RBKS: variants seen among roughly 807,000 people sequenced by gnomAD.
RBKS encodes ribokinase.
A neutral mutation model predicts 33.9 loss-of-function variants in RBKS; 33 were observed. That is an observed-to-expected ratio of 0.97 (90% CI 0.74 to 1.30). RBKS has a LOEUF of 1.30. RBKS is among the 50% of genes most tolerant of loss of function. The pLI, the probability that RBKS is intolerant of heterozygous loss-of-function variation, is 0.00. For missense variants in RBKS, 361 were observed against 392.6 expected, an observed-to-expected ratio of 0.92 and a Z score of 0.68; for synonymous variants, 125 against 143.0, an observed-to-expected ratio of 0.87 and a Z score of 0.90.
At chr2:27,862,566 C>T (rs373083411) in intron 1 of RBKS, among the ~76,000 whole-genome samples, 2 of 152,294 alleles carry the variant, frequency 1.3e-5, no homozygotes, top group East Asian at 3.9e-4. Context: ...TCTCATTCCA[C>T]CCCTGGGCTT....
chr2:27,846,067 C>A lies in RBKS; in HGVS notation c.349+975G>T, dbSNP rs146191737. 4.1e-3 allele frequency among the ~76,000 whole-genome samples: 619 copies of A among 152,076 alleles called. 3 individuals carry two copies. The highest frequency in any genetic ancestry group is 0.014 in the South Asian group (66 of 4,812). On this transcript the variant is annotated intron_variant, in intron 4 of 7. Transcript: ENST00000302188. ...GCAACCTCCGCCTTGTGAGTTCAAGCGATTCTCCTGCCTCAGCCTCCTGAG... is the reference window on the plus strand; with the variant it reads ...GCAACCTCCGCCTTGTGAGTTCAAGAGATTCTCCTGCCTCAGCCTCCTGAG...
At chr2:27,880,543 A>T (rs1664398920) in intron 1 of RBKS, among the ~76,000 whole-genome samples, 2 of 152,200 alleles carry the variant, frequency 1.3e-5, no homozygotes, top group Admixed American at 6.5e-5. Context: ...AAAGCTCCTT[A>T]AGCTGATAAA....
chr2:27,832,563 C>T lies in RBKS; in HGVS notation c.606+123G>A, dbSNP rs2148205289. ...CCACACCCCGGTAAACTGAAAAAAT[C>T]TGTTTTCACCATGCCTGAGAATTCA... is the stretch of plus-strand genomic sequence containing the variant. On this transcript the variant is annotated intron_variant, in intron 6 of 7. Coordinates refer to ENST00000302188, the MANE Select transcript of RBKS (RefSeq NM_022128.3). 7 of 710,574 alleles carry T rather than the reference C, an allele frequency of 9.9e-6. No individual in the cohort carries two copies. The East Asian group carries it at 1.6e-4, about 16-fold the overall frequency. 44.0% of individuals were successfully genotyped at this position (710,574 alleles called of 1,614,324 possible). A position where few individuals can be genotyped will look rare whatever the true frequency, so the allele number is the denominator to read the frequency against.
intron 1 of RBKS, among the ~76,000 whole-genome samples, chr2:27,877,964 C>T (rs6547813): frequency 0.99 from 151,108 of 152,248 alleles, 74,994 homozygotes; most frequent in East Asian, 1. Context: ...AAGTGAACTA[C>T]GTGAAATATA....
chr2:27,871,364 G>A (rs1180910408), intron 1 of RBKS, among the ~76,000 whole-genome samples: 3 of 152,174 alleles, frequency 2.0e-5, no homozygotes, highest in Non-Finnish European at 4.4e-5. Context: ...TCATGGCTTC[G>A]TTGGATAGCT....
intron 1 of RBKS, among the ~76,000 whole-genome samples, chr2:27,885,375 AAATAAG>A (rs1027351179): frequency 1.1e-4 from 16 of 152,136 alleles, no homozygotes; most frequent in African/African-American, 3.9e-4. Flanking sequence ...ATTATAATCA[AAATAAG>A]ATTATGTCAC....
chr2:27,876,762 G>GTGGA (rs1664323263), intron 1 of RBKS, among the ~76,000 whole-genome samples: 1 of 152,074 alleles, frequency 6.6e-6, no homozygotes. Flanking sequence ...GTAAAAAAAT[G>GTGGA]TGGATGTACT....
chr2:27,821,556 C>G (rs183275322), intron 7 of RBKS, among the ~76,000 whole-genome samples: 2 of 152,196 alleles, frequency 1.3e-5, no homozygotes, highest in Non-Finnish European at 2.9e-5. Flanking sequence ...GGATACTTGA[C>G]TTTCTTCTTT....
rs1678340330 is a variant in RBKS, at chr2:27,827,704, C to T, written c.658G>A (p.Ala220Thr). Residue 220 changes from alanine (A) to threonine (T), a missense_variant, in exon 7 of 8, where the codon GCT becomes ACT. Coordinates refer to ENST00000302188, the MANE Select transcript of RBKS (RefSeq NM_022128.3). ...CCCCTTTTCAAGAGCACTAATGCAG[C>T]CTCCCCAGCATCTGCAGCGCTGCCC... ...TVGSAADAGE[A>T]ALVLLKRGCQ... 6.2e-7 allele frequency: 1 copy of T among 1,612,972 alleles called. No homozygotes were observed.
chr2:27,874,564 T>A (rs896842926), intron 1 of RBKS, among the ~76,000 whole-genome samples: 2 of 152,224 alleles, frequency 1.3e-5, no homozygotes, highest in African/African-American at 2.4e-5. Context: ...CCAGGTATGA[T>A]GCCACTTATA....
chr2:27,831,180 T>C (rs1158683489), intron 6 of RBKS, among the ~76,000 whole-genome samples: 4 of 142,132 alleles, frequency 2.8e-5, no homozygotes, highest in Non-Finnish European at 6.0e-5. Flanking sequence ...TAAATAATTA[T>C]TGCTGTTGTA....
chr2:27,846,931 T>G (rs1234048709), intron 4 of RBKS, 111 bp downstream of exon 4: 2 of 660,574 alleles, frequency 3.0e-6, no homozygotes, highest in Non-Finnish European at 5.4e-6. Flanking sequence ...GGCCTTGGAG[T>G]GATGGGTATA....
chr2:27,881,083 A>G (rs1664408491), intron 1 of RBKS, among the ~76,000 whole-genome samples: 1 of 151,896 alleles, frequency 6.6e-6, no homozygotes, highest in African/African-American at 2.4e-5. Context: ...ACAAACAAAC[A>G]AACAAAAAAA....
chr2:27,867,211 G>A (rs983110792), intron 1 of RBKS, among the ~76,000 whole-genome samples: 20 of 152,052 alleles, frequency 1.3e-4, no homozygotes, highest in African/African-American at 4.6e-4. Flanking sequence ...ACATTTTCCT[G>A]ATTCTTTGCA....
chr2:27,815,283 C>T (rs1383860626), intron 7 of RBKS, among the ~76,000 whole-genome samples: 2 of 152,140 alleles, frequency 1.3e-5, no homozygotes, highest in Non-Finnish European at 1.5e-5. Context: ...TCTCAGCTCA[C>T]TGCAGCCTTG....
intron 1 of RBKS, among the ~76,000 whole-genome samples, chr2:27,863,848 A>G (rs1437013526): frequency 6.6e-6 from 1 of 152,258 alleles, no homozygotes; most frequent in East Asian, 1.9e-4. Context: ...TAAAAGGCTG[A>G]GAGTAATTTC....
At chr2:27,809,495 G>A (rs537720831) in intron 7 of RBKS, among the ~76,000 whole-genome samples, 1 of 152,332 alleles carries the variant, frequency 6.6e-6, no homozygotes, top group South Asian at 2.1e-4. Flanking sequence ...ATATTAATGA[G>A]AGCTTTGTAT....
chr2:27,812,521 A>G (rs1678005633), intron 7 of RBKS, among the ~76,000 whole-genome samples: 1 of 152,246 alleles, frequency 6.6e-6, no homozygotes. Context: ...ATGGAATACT[A>G]TGCAGCCATA....
chr2:27,826,109 C>T (rs1299351528), intron 7 of RBKS, among the ~76,000 whole-genome samples: 1 of 152,186 alleles, frequency 6.6e-6, no homozygotes, highest in African/African-American at 2.4e-5. Flanking sequence ...CACACTTTAT[C>T]AAATACCTGG....
Sources: allele counts gnomAD v4.1 joint callset (sites outside exome capture counted in the v4.1 genomes callset), GRCh38; gene constraint gnomAD v4.1.1; transcripts MANE v1.5; gene names NCBI Gene and HGNC (gene_info 2026-07-23, HGNC 2026-07-21).